WDR72: variants seen among roughly 807,000 people sequenced by gnomAD.
WDR72 encodes the protein WD repeat domain 72.
Under a neutral mutation model 124.2 loss-of-function variants are expected in WDR72, and 120 were observed. That is an observed-to-expected ratio of 0.97 (90% CI 0.83 to 1.12). WDR72 has a LOEUF of 1.12. WDR72 is among the 50% of genes most tolerant of loss of function. The pLI is 0.00. For missense variants in WDR72, 1,387 were observed against 1,278.8 expected, an observed-to-expected ratio of 1.08 and a Z score of -1.29; for synonymous variants, 452 against 441.7, an observed-to-expected ratio of 1.02 and a Z score of -0.29.
At chr15:53,569,251 A>G (rs1472428726) in intron 18 of WDR72, among the ~76,000 whole-genome samples, 1 of 151,986 alleles carries the variant, frequency 6.6e-6, no homozygotes, top group Non-Finnish European at 1.5e-5. Flanking sequence ...CTACACTCCC[A>G]GCTTCCAAGA....
In WDR72 at chr15:53,663,329, C is replaced by T. The variant is rs545152871; in HGVS notation, c.1962+2243G>A. Among the ~76,000 whole-genome samples, 23 of 151,678 alleles carry T rather than the reference C, an allele frequency of 1.5e-4. No individual in the cohort carries two copies. In the East Asian group the frequency reaches 4.3e-3, roughly 28 times the overall value. On this transcript the variant is annotated intron_variant, in intron 14 of 19. Transcript: ENST00000360509. ...AGTCCTGTCCAATTCAGTTTATGTC[C>T]GAATGTAAAGAATGAAAGTTTGAAA...
At position 53,615,668 on chromosome 15, in the gene WDR72, C is replaced by A; in HGVS notation, c.2538G>T (p.Trp846Cys). Residue 846 changes from tryptophan to cysteine, a missense_variant, in exon 15 of 20, where the codon TGG becomes TGT. Physicochemically the swap from Trp to Cys is radical, Grantham distance 215. Transcript: ENST00000360509. ...TTATCATTCCACTATTGCATAAATC[C>A]CAACCTGGCAACATCAGTGAGAAAT... ...EDNFSLMLPG[W>C]DLCNSGMIKD... The A allele has an allele frequency of 1.2e-6, 2 of 1,611,536 alleles. No individual in the cohort carries two copies. Among genetic ancestry groups the A allele is most frequent in the Non-Finnish European group, 1.7e-6 (2 of 1,178,666 alleles).
intron 14 of WDR72, among the ~76,000 whole-genome samples, chr15:53,627,856 A>C (rs943149624): frequency 3.9e-5 from 6 of 152,130 alleles, no homozygotes; most frequent in African/African-American, 1.4e-4. Flanking sequence ...AAGCTATACT[A>C]TTTTACATGT....
At chr15:53,673,509 C>A (rs2016063980) in intron 13 of WDR72, among the ~76,000 whole-genome samples, 1 of 152,016 alleles carries the variant, frequency 6.6e-6, no homozygotes, top group Non-Finnish European at 1.5e-5. Context: ...TGGTGTCTTT[C>A]CAAAGAAGAA....
rs967916181 is a variant in WDR72 at position 53,517,262 on chromosome 15, T to C, written c.*437A>G. On this transcript the variant is annotated 3_prime_UTR_variant, in exon 20 of 20. Transcript: ENST00000360509. Reference sequence around the variant, plus strand: ...ACCAGACAAATCAAAGTTGGTAAAATTTTAGATTAAATACCTTGAAGCAGT... The same window carrying C: ...ACCAGACAAATCAAAGTTGGTAAAACTTTAGATTAAATACCTTGAAGCAGT... 3.1e-5 allele frequency: 5 copies of C among 163,860 alleles called. No homozygotes were observed. The highest frequency in any genetic ancestry group is 1.2e-4 in the African/African-American group (5 of 41,528). 10.2% of individuals were successfully genotyped at this position (163,860 alleles called of 1,614,324 possible).
At chr15:53,553,553 A>C (rs1005787349) in intron 18 of WDR72, among the ~76,000 whole-genome samples, 5 of 152,166 alleles carry the variant, frequency 3.3e-5, no homozygotes, top group Admixed American at 6.5e-5. Flanking sequence ...TAGAAACCTA[A>C]ACATTGGTCA....
At chr15:53,684,089 T>A (rs2016503827) in intron 13 of WDR72, 1 of 152,176 alleles carries the variant, frequency 6.6e-6, no homozygotes. Flanking sequence ...TATGAGCATA[T>A]CTTTGTATAC....
chr15:53,604,493 A>G (rs1324340738), intron 17 of WDR72, among the ~76,000 whole-genome samples: 1 of 152,232 alleles, frequency 6.6e-6, no homozygotes, highest in Non-Finnish European at 1.5e-5. Context: ...GATCTAATTA[A>G]ACTAAAGAGC....
intron 2 of WDR72, among the ~76,000 whole-genome samples, chr15:53,727,226 TA>T (rs57976197): frequency 1.0e-3 from 129 of 125,718 alleles, no homozygotes; most frequent in Non-Finnish European, 1.1e-3. Context: ...AGACTCTGTC[TA>T]AAAAAAAAAA....
intron 13 of WDR72, among the ~76,000 whole-genome samples, chr15:53,690,603 G>T (rs1477777341): frequency 6.6e-6 from 1 of 152,140 alleles, no homozygotes; most frequent in African/African-American, 2.4e-5. Flanking sequence ...TCAAGTTGTA[G>T]CATGACAACT....
intron 13 of WDR72, 88 bp downstream of exon 13, chr15:53,699,662 A>G: frequency 7.1e-7 from 1 of 1,416,828 alleles, no homozygotes; most frequent in South Asian, 1.2e-5. Flanking sequence ...TGAGGTCATC[A>G]CCGTGTCTTC....
chr15:53,523,149 C>G (rs751854065), intron 19 of WDR72, 69 bp downstream of exon 19: 29 of 1,447,004 alleles, frequency 2.0e-5, no homozygotes, highest in African/African-American at 2.8e-5. Flanking sequence ...CCCCTCACCC[C>G]CTTCCAAGGA....
intron 18 of WDR72, among the ~76,000 whole-genome samples, chr15:53,533,252 A>G (rs1386881068): frequency 6.6e-6 from 1 of 152,180 alleles, no homozygotes; most frequent in African/African-American, 2.4e-5. Flanking sequence ...GAGTATCTCA[A>G]GAAGAGATTA....
chr15:53,628,884 C>T (rs1005714389), intron 14 of WDR72, among the ~76,000 whole-genome samples: 6 of 151,868 alleles, frequency 4.0e-5, no homozygotes, highest in African/African-American at 9.7e-5. Context: ...AGACCACAAA[C>T]GGGAAGAAAC....
At chr15:53,675,360 C>G (rs1595839679) in intron 13 of WDR72, among the ~76,000 whole-genome samples, 1 of 148,662 alleles carries the variant, frequency 6.7e-6, no homozygotes. Flanking sequence ...AAAAAAAAAT[C>G]TACTATGACT....
At chr15:53,631,243 C>T (rs1490123439) in intron 14 of WDR72, among the ~76,000 whole-genome samples, 1 of 152,112 alleles carries the variant, frequency 6.6e-6, no homozygotes, top group Non-Finnish European at 1.5e-5. Context: ...CATTCCCCCT[C>T]CCTCGCTCCT....
chr15:53,639,910 T>C (rs752929372), intron 14 of WDR72, among the ~76,000 whole-genome samples: 3 of 152,196 alleles, frequency 2.0e-5, no homozygotes, highest in Non-Finnish European at 4.4e-5. Context: ...AGGTATTTTA[T>C]AGAAGACTTC....
At chr15:53,689,203 A>T (rs1488408741) in intron 13 of WDR72, among the ~76,000 whole-genome samples, 6 of 152,022 alleles carry the variant, frequency 3.9e-5, no homozygotes, top group African/African-American at 1.2e-4. Flanking sequence ...ACAAAAGCCA[A>T]AATTGACAAA....
chr15:53,739,705 T>C (rs1408868131), intron 1 of WDR72, among the ~76,000 whole-genome samples: 1 of 152,036 alleles, frequency 6.6e-6, no homozygotes, highest in Non-Finnish European at 1.5e-5. Context: ...TCACCACAGC[T>C]TTTAGTATTG....
Sources: allele counts gnomAD v4.1 joint callset (sites outside exome capture counted in the v4.1 genomes callset), GRCh38; gene constraint gnomAD v4.1.1; transcripts MANE v1.5; gene names NCBI Gene and HGNC (gene_info 2026-07-23, HGNC 2026-07-21).